Variants in NACA observed in about 807,000 individuals in gnomAD.
NACA encodes the protein nascent polypeptide-associated complex subunit alpha.
In NACA, 42 loss-of-function variants were observed where a neutral mutation model predicts 86.4. The observed-to-expected ratio is 0.49, with a 90% CI of 0.38 to 0.63. The LOEUF (loss-of-function observed/expected upper bound fraction) is 0.63, where lower values mean the gene tolerates loss of function less well. Ranked by LOEUF, NACA falls within the 20% of genes least tolerant of loss-of-function variation. The pLI is 0.00. For missense variants in NACA, 2,157 were observed against 2,483.6 expected (o/e 0.87, Z 2.80); for synonymous variants, 898 against 973.7 (o/e 0.92, Z 1.45).
Position 56,713,651 on chromosome 12 carries a change from T to C in NACA, c.5856A>G (p.Thr1952=), listed in dbSNP as rs1953273810. The change falls in exon 6 of 9, where the codon ACA becomes ACG. Residue 1952 remains threonine, a synonymous_variant. Coordinates refer to ENST00000454682, the MANE Select transcript of NACA (RefSeq NM_001365896.1). ...AMSKLGLRQV[T]GVTRVTIRKS... is the part of the protein sequence containing the mutation. ...TCCGGATAGTGACTCTAGTAACTCC[T>C]GTAACCTGCCGAAGACCCAGTTTGG... 1.2e-6 allele frequency: 2 copies of C among 1,614,138 alleles called. No homozygotes were observed. The highest frequency in any genetic ancestry group is 1.7e-6 in the Non-Finnish European group (2 of 1,179,976).
chr12:56,716,300 C>G lies in NACA; in HGVS notation c.5230G>C (p.Asp1744His). Residue 1744 changes from aspartate to histidine, a missense_variant, in exon 3 of 9, where the codon GAC becomes CAC. Physicochemically the swap from Asp to His is moderately conservative, Grantham distance 81 (BLOSUM62 -1). This residue lies in a region of NACA where 797 missense variants were observed against 777.6 expected (regional missense o/e 1.02). Transcript: ENST00000454682. ...TTGCCTTTTGCTGTCTTTGAAGAGT[C>G]TTTCTGAACAGGGAGTAGAGGGGCT... is the stretch of plus-strand genomic sequence containing the variant. Reference protein sequence around the residue: ...APAPLLPVQKDSSKTAKGKDA... With the variant: ...APAPLLPVQKHSSKTAKGKDA... 1 of 1,613,084 alleles carries G rather than the reference C, an allele frequency of 6.2e-7. No homozygotes were observed. Among genetic ancestry groups the G allele is most frequent in the Non-Finnish European group, 8.5e-7 (1 of 1,179,790 alleles).
Position 56,716,999 on chromosome 12 carries a change from AAGGAATCAC to A in NACA, c.4522_4530del (p.Val1508_Pro1510del). ...GTAGCTGGGACCTCTTTGGGGGAAG[AAGGAATCAC>A]AGCTGGCAGAGTGGGGGCCCCCATG... On this transcript the variant is annotated inframe_deletion, in exon 3 of 9. Transcript: ENST00000454682. 7.9e-7 allele frequency: 1 copy of A among 1,265,598 alleles called. No individual in the cohort carries two copies. Among genetic ancestry groups the A allele is most frequent in the Non-Finnish European group, 1.0e-6 (1 of 986,690 alleles). 78.4% of individuals were successfully genotyped at this position (1,265,598 alleles called of 1,614,324 possible).
chr12:56,713,951 C>T (rs990701061), intron 5 of NACA: 12 of 422,272 alleles, frequency 2.8e-5, no homozygotes, highest in Admixed American at 1.6e-4. Flanking sequence ...AAGCAATTGC[C>T]GTGCCTCAGC....
chr12:56,717,041 G>A lies in NACA; in HGVS notation c.4489C>T (p.Pro1497Ser), dbSNP rs539747122. ...AGAGTGGGGGCCCCCATGGGGGCTG[G>A]AGTTGCTGGGGCCTTTTTGGGAGAG... ...SSSPKKAPATPAPMGAPTLPA... is the reference protein window; with the variant it reads ...SSSPKKAPATSAPMGAPTLPA... The change falls in exon 3 of 9, where the codon CCA becomes TCA. Residue 1497 changes from proline (P) to serine (S), a missense_variant. By Grantham distance (74) the Pro-to-Ser change is moderately conservative. Coordinates refer to ENST00000454682, the MANE Select transcript of NACA (RefSeq NM_001365896.1). 11 of 1,270,808 alleles carry A rather than the reference G, an allele frequency of 8.7e-6. No homozygotes were observed. The highest frequency in any genetic ancestry group is 2.2e-4 in the Middle Eastern group (1 of 4,492). 78.7% of individuals were successfully genotyped at this position (1,270,808 alleles called of 1,614,324 possible).
At position 56,716,836 on chromosome 12, in the gene NACA, G is replaced by A. The variant is rs528063005; in HGVS notation, c.4694C>T (p.Pro1565Leu). 5.3e-6 allele frequency: 7 copies of A among 1,329,668 alleles called. No homozygotes were observed. The highest frequency in any genetic ancestry group is 1.5e-5 in the African/African-American group (1 of 67,008). 82.4% of individuals were successfully genotyped at this position (1,329,668 alleles called of 1,614,324 possible). The change falls in exon 3 of 9, where the codon CCA (proline) becomes CTA (leucine). Residue 1565 changes from proline (P) to leucine (L), a missense_variant. Around this residue, in one of 8 missense-constraint regions of NACA, gnomAD observed 797 missense variants for 777.6 expected, o/e 1.02. Transcript: ENST00000454682. ...VPSPKKTPAI[P>L]TPKEAPATPS... The stretch of plus-strand genomic sequence containing the variant: ...GGTAGCTGGGGCTTCTTTGGGGGTT[G>A]GAATTGCTGGGGTCTTTTTAGGGGA...
chr12:56,713,170 T>G lies in NACA; in HGVS notation c.5991A>C (p.Gln1997His). The G allele has an allele frequency of 6.2e-7, 1 of 1,614,172 alleles. No homozygotes were observed. The highest frequency in any genetic ancestry group is 8.5e-7 in the Non-Finnish European group (1 of 1,180,014). ...GEAKIEDLSQQAQLAAAEKFK... is the reference protein window; with the variant it reads ...GEAKIEDLSQHAQLAAAEKFK... ...ATTTCTCAGCAGCTGCTAGTTGTGCTTGCTGGGATAAATCTTCGATCTACA... is the reference window on the plus strand; with the variant it reads ...ATTTCTCAGCAGCTGCTAGTTGTGCGTGCTGGGATAAATCTTCGATCTACA... Residue 1997 changes from glutamine (Q) to histidine (H), a missense_variant, in exon 7 of 9, where the codon CAA (glutamine) becomes CAC (histidine). Around this residue, in one of 8 missense-constraint regions of NACA, gnomAD observed 81 missense variants for 200.6 expected, o/e 0.40. Coordinates refer to ENST00000454682, the MANE Select transcript of NACA (RefSeq NM_001365896.1).
Position 56,720,145 on chromosome 12 carries a change from C to T in NACA, c.1385G>A (p.Cys462Tyr), listed in dbSNP as rs188464432. 2.5e-6 allele frequency: 4 copies of T among 1,613,842 alleles called. No individual in the cohort carries two copies. The highest frequency in any genetic ancestry group is 1.7e-5 in the Admixed American group (1 of 60,016). Reference protein sequence around the residue: ...APTTTFEVATCVSPPMSSGPI... With the variant: ...APTTTFEVATYVSPPMSSGPI... ...ACCTGATGACATTGGAGGAGAAACACAAGTAGCTACCTCAAAGGTAGTAGT... is the reference window on the plus strand; with the variant it reads ...ACCTGATGACATTGGAGGAGAAACATAAGTAGCTACCTCAAAGGTAGTAGT... The change falls in exon 3 of 9, where the codon TGT (cysteine) becomes TAT (tyrosine). Residue 462 changes from cysteine (C) to tyrosine (Y), a missense_variant. Coordinates refer to ENST00000454682, the MANE Select transcript of NACA (RefSeq NM_001365896.1).
In NACA at chr12:56,720,047, T is replaced by C; in HGVS notation, c.1483A>G (p.Thr495Ala). The change falls in exon 3 of 9, where the codon ACT becomes GCT. Residue 495 changes from threonine to alanine, a missense_variant. This residue lies in a region of NACA where 947 missense variants were observed against 917.9 expected (regional missense o/e 1.03). Coordinates refer to ENST00000454682, the MANE Select transcript of NACA (RefSeq NM_001365896.1). ...MAPVAPKEPS[T>A]QVATTLRIPV... Reference sequence around the variant, plus strand: ...ATCCTCAGAGTGGTTGCTACTTGAGTAGAAGGCTCTTTGGGAGCCACAGGT... The same window carrying C: ...ATCCTCAGAGTGGTTGCTACTTGAGCAGAAGGCTCTTTGGGAGCCACAGGT... 1 of 1,613,572 alleles carries C rather than the reference T, an allele frequency of 6.2e-7. No homozygotes were observed. The highest frequency in any genetic ancestry group is 8.5e-7 in the Non-Finnish European group (1 of 1,179,784).
At chr12:56,722,096 T>C (rs543828414) in intron 2 of NACA, among the ~76,000 whole-genome samples, 2 of 152,242 alleles carry the variant, frequency 1.3e-5, no homozygotes, top group African/African-American at 2.4e-5. Flanking sequence ...CACAGCACAA[T>C]TCAGTTCTTC....
intron 2 of NACA, among the ~76,000 whole-genome samples, chr12:56,723,898 G>A (rs1953640852): frequency 6.6e-6 from 1 of 152,088 alleles, no homozygotes. Context: ...ACACAATGAT[G>A]CAGGAACTAT....
At position 56,720,653 on chromosome 12, in the gene NACA, C is replaced by A; in HGVS notation, c.877G>T (p.Ala293Ser). The A allele has an allele frequency of 6.2e-7, 1 of 1,613,912 alleles. No homozygotes were observed. The highest frequency in any genetic ancestry group is 8.5e-7 in the Non-Finnish European group (1 of 1,179,880). Reference sequence around the variant, plus strand: ...AAATCTGGGGGGGTGTTGGGACCCGCAGTCTTTTGAGAAGAGGTCACCACA... The same window carrying A: ...AAATCTGGGGGGGTGTTGGGACCCGAAGTCTTTTGAGAAGAGGTCACCACA... Reference protein sequence around the residue: ...LPVVTSSQKTAGPNTPPDFPI... With the variant: ...LPVVTSSQKTSGPNTPPDFPI... Residue 293 changes from alanine (A) to serine (S), a missense_variant, in exon 3 of 9, where the codon GCG becomes TCG. Around this residue, in one of 8 missense-constraint regions of NACA, gnomAD observed 947 missense variants for 917.9 expected, o/e 1.03. Transcript: ENST00000454682.
At position 56,720,935 on chromosome 12, in the gene NACA, G is replaced by A. The variant is rs1452948620; in HGVS notation, c.595C>T (p.Pro199Ser). Residue 199 changes from proline (P) to serine (S), a missense_variant, in exon 3 of 9, where the codon CCA becomes TCA. This residue lies in a region of NACA where 947 missense variants were observed against 917.9 expected (regional missense o/e 1.03). Coordinates refer to ENST00000454682, the MANE Select transcript of NACA (RefSeq NM_001365896.1). The stretch of plus-strand genomic sequence containing the variant: ...CATGGAGGGCTGGGGGTGCCTTTTG[G>A]ATTAGGGACTACCTCAGAGGGAACT... ...NKVPSEVVPN[P>S]KGTPSPPCIV... The A allele has an allele frequency of 2.5e-6, 4 of 1,613,862 alleles. No individual in the cohort carries two copies. Among genetic ancestry groups the A allele is most frequent in the Non-Finnish European group, 3.4e-6 (4 of 1,179,896 alleles).
rs2926746 is a variant in NACA, at chr12:56,717,921, G to C, written c.3609C>G (p.Pro1203=). ...GGGTAGCTAGACCTCCTTTTGGGGA[G>C]GGAGGAGTTGCAGCTGGGGTTGTGG... is the stretch of plus-strand genomic sequence containing the variant. ...GAPTTPAATP[P]SPKGGLATPS... is the part of the protein sequence containing the mutation. Residue 1203 remains proline (P), a synonymous_variant, in exon 3 of 9, where the codon CCC becomes CCG. Coordinates refer to ENST00000454682, the MANE Select transcript of NACA (RefSeq NM_001365896.1). 1 of 1,094,832 alleles carries C rather than the reference G, an allele frequency of 9.1e-7. No individual in the cohort carries two copies. Among genetic ancestry groups the C allele is most frequent in the Non-Finnish European group, 1.1e-6 (1 of 892,618 alleles). The allele number at this position is 1,094,832 out of a possible 1,614,324, so 67.8% of individuals were successfully genotyped here. A position where few individuals can be genotyped will look rare whatever the true frequency, so the allele number is the denominator to read the frequency against.
Position 56,717,271 on chromosome 12 carries a change from ACTGGAGTTGCTGGAG to A in NACA, c.4244_4258del (p.Ala1415_Pro1419del). The A allele has an allele frequency of 7.7e-7, 1 of 1,298,308 alleles. No homozygotes were observed. Among genetic ancestry groups the A allele is most frequent in the Non-Finnish European group, 1.0e-6 (1 of 1,003,244 alleles). The allele number at this position is 1,298,308 out of a possible 1,614,324, so 80.4% of individuals were successfully genotyped here. ...TGGGGTGGCTGCGCCTTCTCTGGTG[ACTGGAGTTGCTGGAG>A]CCTTTTTGGGGGAGAGAGGAATCAC... On this transcript the variant is annotated inframe_deletion, in exon 3 of 9. Coordinates refer to ENST00000454682, the MANE Select transcript of NACA (RefSeq NM_001365896.1).
At chr12:56,715,849 C>A (rs1042845531) in intron 3 of NACA, 22 bp downstream of exon 3, 1 of 1,504,540 alleles carries the variant, frequency 6.6e-7, no homozygotes, top group Non-Finnish European at 8.9e-7. Flanking sequence ...ACACCATGCA[C>A]ACGGCAAACC....
At chr12:56,725,091 T>C (rs1953679473) in intron 1 of NACA, 172 bp downstream of exon 1, 1 of 152,780 alleles carries the variant, frequency 6.5e-6, no homozygotes, top group Non-Finnish European at 1.5e-5. Flanking sequence ...ACCCTGCTTT[T>C]GCCAGGACAC....
intron 3 of NACA, among the ~76,000 whole-genome samples, chr12:56,715,411 G>C (rs948202638): frequency 6.6e-6 from 1 of 152,064 alleles, no homozygotes; most frequent in Non-Finnish European, 1.5e-5. Context: ...TTATGAAAAG[G>C]GAGTCCCTGG....
chr12:56,715,741 T>C (rs1953335370), intron 3 of NACA, 130 bp downstream of exon 3: 1 of 834,330 alleles, frequency 1.2e-6, no homozygotes, highest in East Asian at 2.6e-5. Context: ...TATCATTCTA[T>C]GTTCTACATC....
At chr12:56,724,681 G>C in intron 1 of NACA, 158 bp from the exon 2 acceptor site, 1 of 694,962 alleles carries the variant, frequency 1.4e-6, no homozygotes, top group Non-Finnish European at 2.4e-6. Flanking sequence ...GGGAATAAGA[G>C]GTAAATATGA....
Sources: allele counts gnomAD v4.1 joint callset (sites outside exome capture counted in the v4.1 genomes callset), GRCh38; gene constraint gnomAD v4.1.1; regional missense constraint gnomAD v4.1.1; transcripts MANE v1.5; gene names NCBI Gene and HGNC (gene_info 2026-07-23, HGNC 2026-07-21).